Variants in CNTN4 observed in about 807,000 individuals in gnomAD.
CNTN4 encodes the protein contactin-4.
Under a neutral mutation model 122.5 loss-of-function variants are expected in CNTN4, and 77 were observed. The ratio of observed to expected loss-of-function variants is 0.63; its 90% CI spans 0.52 to 0.76. The LOEUF is 0.76. Among genes scored for constraint, CNTN4 ranks in the 30% least tolerant of loss-of-function variants. The pLI is 0.00. For missense variants in CNTN4, 1,256 were observed against 1,259.1 expected (o/e 1.00, Z 0.04); for synonymous variants, 512 against 447.0 (o/e 1.15, Z -1.83).
intron 2 of CNTN4, among the ~76,000 whole-genome samples, chr3:2,226,905 C>G (rs151278849): frequency 7.8e-4 from 118 of 152,096 alleles, no homozygotes; most frequent in African/African-American, 2.8e-3. Context: ...TTTTGTAACT[C>G]TTTGCAGTAG....
At chr3:2,219,212 C>A (rs2038967299) in intron 2 of CNTN4, among the ~76,000 whole-genome samples, 1 of 152,140 alleles carries the variant, frequency 6.6e-6, no homozygotes, top group Admixed American at 6.5e-5. Context: ...TATATTTTAA[C>A]CAGTTCCTTG....
intron 3 of CNTN4, among the ~76,000 whole-genome samples, chr3:2,370,863 G>T (rs931647916): frequency 2.0e-5 from 3 of 152,160 alleles, no homozygotes; most frequent in Non-Finnish European, 2.9e-5. Flanking sequence ...TTTGGTGGAA[G>T]ATTAGGCATG....
chr3:2,514,119 A>G (rs745492535), intron 3 of CNTN4, among the ~76,000 whole-genome samples: 1 of 152,140 alleles, frequency 6.6e-6, no homozygotes, highest in Non-Finnish European at 1.5e-5. Context: ...AGCAGCAGAG[A>G]GTTAAATCTC....
intron 7 of CNTN4, among the ~76,000 whole-genome samples, chr3:2,850,824 G>C (rs963418507): frequency 2.0e-5 from 3 of 152,114 alleles, no homozygotes; most frequent in Non-Finnish European, 4.4e-5. Flanking sequence ...TTTCCATCTT[G>C]CCAGAGATGG....
chr3:2,409,507 A>G (rs2047158239), intron 3 of CNTN4, among the ~76,000 whole-genome samples: 1 of 152,080 alleles, frequency 6.6e-6, no homozygotes, highest in Non-Finnish European at 1.5e-5. Context: ...TCAGCCTCCC[A>G]AAGTGCTGAG....
chr3:2,542,668 G>T (rs1483539346), intron 3 of CNTN4, among the ~76,000 whole-genome samples: 2 of 152,114 alleles, frequency 1.3e-5, no homozygotes, highest in Non-Finnish European at 2.9e-5. Flanking sequence ...TCAACTCACA[G>T]CATGAGGCTT....
rs112481302 is a variant in CNTN4, at chr3:2,377,876, T to C, written c.-89+38643T>C. ...AGTGCGACCCAGGGAAGCCAAAAGATTGGACACTCCTGGATGAGGCATTTT... is the reference window on the plus strand; with the variant it reads ...AGTGCGACCCAGGGAAGCCAAAAGACTGGACACTCCTGGATGAGGCATTTT... On this transcript the variant is annotated intron_variant, in intron 3 of 24. Coordinates refer to ENST00000418658, the MANE Select transcript of CNTN4 (RefSeq NM_175607.3). Among the ~76,000 whole-genome samples, 345 of 152,268 alleles carry C rather than the reference T, an allele frequency of 2.3e-3. 1 individual carries two copies. Among genetic ancestry groups the C allele is most frequent in the African/African-American group, 7.9e-3 (327 of 41,548 alleles).
At chr3:2,782,859 A>T (rs2091661196) in intron 6 of CNTN4, among the ~76,000 whole-genome samples, 1 of 152,172 alleles carries the variant, frequency 6.6e-6, no homozygotes, top group South Asian at 2.1e-4. Flanking sequence ...CAAGGGGATC[A>T]TAATCTTAGG....
At chr3:2,622,829 A>G (rs1306041016) in intron 4 of CNTN4, among the ~76,000 whole-genome samples, 1 of 152,204 alleles carries the variant, frequency 6.6e-6, no homozygotes, top group Non-Finnish European at 1.5e-5. Flanking sequence ...CTGGTGTGGA[A>G]AAGCTGAGAT....
chr3:2,712,501 A>C (rs2087211617), intron 4 of CNTN4, among the ~76,000 whole-genome samples: 1 of 152,194 alleles, frequency 6.6e-6, no homozygotes, highest in Non-Finnish European at 1.5e-5. Context: ...AAAAGCATAC[A>C]GATTTATTTA....
chr3:3,011,463 G>C (rs1483681995), intron 14 of CNTN4, among the ~76,000 whole-genome samples: 1 of 152,180 alleles, frequency 6.6e-6, no homozygotes, highest in African/African-American at 2.4e-5. Flanking sequence ...CAACAAGCAT[G>C]ATAATCCCTT....
At chr3:2,332,097 G>C (rs1029556091) in intron 2 of CNTN4, among the ~76,000 whole-genome samples, 6 of 152,144 alleles carry the variant, frequency 3.9e-5, no homozygotes, top group African/African-American at 1.4e-4. Flanking sequence ...CAGCGTGACA[G>C]GCTCTTTGTT....
At chr3:2,396,212 A>AT (rs2046634306) in intron 3 of CNTN4, among the ~76,000 whole-genome samples, 1 of 151,924 alleles carries the variant, frequency 6.6e-6, no homozygotes, top group Non-Finnish European at 1.5e-5. Context: ...TTTTGTAGAG[A>AT]TTAAGTTTTG....
At chr3:2,207,089 G>A (rs75180605) in intron 2 of CNTN4, among the ~76,000 whole-genome samples, 226 of 151,928 alleles carry the variant, frequency 1.5e-3, no homozygotes, top group African/African-American at 4.9e-3. Flanking sequence ...TAAATTTGGG[G>A]GGTGTCATGA....
intron 23 of CNTN4, among the ~76,000 whole-genome samples, chr3:3,044,904 C>T (rs144124426): frequency 1.9e-3 from 289 of 152,342 alleles, no homozygotes; most frequent in Middle Eastern, 6.8e-3. Flanking sequence ...TCAGGGCACT[C>T]CCACCCTAAT....
intron 4 of CNTN4, among the ~76,000 whole-genome samples, chr3:2,722,437 T>C (rs777547563): frequency 1.3e-5 from 2 of 152,158 alleles, no homozygotes; most frequent in African/African-American, 2.4e-5. Flanking sequence ...CAGATGCTTT[T>C]GCAATAAAGG....
intron 3 of CNTN4, among the ~76,000 whole-genome samples, chr3:2,363,082 A>G (rs1489243295): frequency 6.6e-6 from 1 of 152,204 alleles, no homozygotes; most frequent in African/African-American, 2.4e-5. Context: ...AGGTATCTAT[A>G]TCTGAACCAG....
chr3:2,770,477 G>A lies in CNTN4; in HGVS notation c.358+24780G>A, dbSNP rs73807926. ...AGCTTCCTTCATCCCAAGAGAGGAA[G>A]TGCATTGTTATAAAATCCCTCATCA... On this transcript the variant is annotated intron_variant, in intron 6 of 24. Transcript: ENST00000418658. Among the ~76,000 whole-genome samples the A allele has an allele frequency of 3.4e-3, 517 of 152,364 alleles. 3 individuals carry two copies. Among genetic ancestry groups the A allele is most frequent in the African/African-American group, 0.012 (504 of 41,594 alleles).
intron 2 of CNTN4, among the ~76,000 whole-genome samples, chr3:2,292,913 G>C (rs1032425706): frequency 6.6e-6 from 1 of 152,160 alleles, no homozygotes; most frequent in South Asian, 2.1e-4. Flanking sequence ...CATTTCTATA[G>C]GAGTAAAACT....
Sources: gnomAD v4.1 joint callset for allele counts (sites outside exome capture counted in the v4.1 genomes callset) on GRCh38, gnomAD v4.1.1 for gene constraint, MANE v1.5 for transcripts, NCBI Gene and HGNC (gene_info 2026-07-23, HGNC 2026-07-21) for gene names.